Variants in CBL observed in about 807,000 individuals in gnomAD.
CBL encodes the protein E3 ubiquitin-protein ligase CBL.
CBL carries 45 observed loss-of-function variants against 96.9 expected under a neutral mutation model. The ratio of observed to expected loss-of-function variants is 0.46; its 90% CI spans 0.37 to 0.60. The LOEUF is 0.60. Among genes scored for constraint, CBL ranks in the 20% least tolerant of loss-of-function variants. The pLI is 0.00. For missense variants in CBL, 1,024 were observed against 1,143.5 expected, an observed-to-expected ratio of 0.90 and a Z score of 1.51; for synonymous variants, 420 against 426.8, an observed-to-expected ratio of 0.98 and a Z score of 0.20.
intron 2 of CBL, among the ~76,000 whole-genome samples, 159 bp downstream of exon 2, chr11:119,232,854 GAC>G (rs1949514867): frequency 6.6e-6 from 1 of 152,216 alleles, no homozygotes. Context: ...TGCCATGGAT[GAC>G]GTTGTACTAT....
chr11:119,271,919 T>C, intron 3 of CBL, 38 bp downstream of exon 3: 2 of 1,599,412 alleles, frequency 1.3e-6, no homozygotes, highest in Admixed American at 1.7e-5. Flanking sequence ...TATGAAAAAC[T>C]AAAGCTTACG....
At chr11:119,215,453 C>T (rs1051020980) in intron 1 of CBL, among the ~76,000 whole-genome samples, 2 of 141,916 alleles carry the variant, frequency 1.4e-5, no homozygotes, top group Non-Finnish European at 3.0e-5. Flanking sequence ...TTTGAGGTTG[C>T]GTCTTGCTGT....
At chr11:119,242,900 G>GC (rs1949598398) in intron 2 of CBL, among the ~76,000 whole-genome samples, 1 of 152,022 alleles carries the variant, frequency 6.6e-6, no homozygotes, top group African/African-American at 2.4e-5. Flanking sequence ...AAAAGAGGGT[G>GC]CAGGGACATG....
At chr11:119,246,959 TAATTA>T (rs1372931772) in intron 2 of CBL, among the ~76,000 whole-genome samples, 1 of 151,654 alleles carries the variant, frequency 6.6e-6, no homozygotes, top group Non-Finnish European at 1.5e-5. Context: ...TTAAATTCAT[TAATTA>T]AATCTCATTA....
Position 119,303,101 on chromosome 11 carries a change from C to A in CBL, c.*3320C>A, listed in dbSNP as rs1224533062. On this transcript the variant is annotated 3_prime_UTR_variant, in exon 16 of 16. Transcript: ENST00000264033. ...AAATGTGTTTATGGTCCCAAACAGTCAACTCACAAATTTTTATAACAAAAT... is the reference window on the plus strand; with the variant it reads ...AAATGTGTTTATGGTCCCAAACAGTAAACTCACAAATTTTTATAACAAAAT... The A allele has an allele frequency of 4.3e-6, 1 of 231,722 alleles. No individual in the cohort carries two copies. Among genetic ancestry groups the A allele is most frequent in the African/African-American group, 2.2e-5 (1 of 45,276 alleles). 14.4% of individuals were successfully genotyped at this position (231,722 alleles called of 1,614,324 possible). A position where few individuals can be genotyped will look rare whatever the true frequency, so the allele number is the denominator to read the frequency against.
In CBL at chr11:119,296,738, T is replaced by G. The variant is rs76923202; in HGVS notation, c.2037-180T>G. On this transcript the variant is annotated intron_variant, in intron 12 of 15. Coordinates refer to ENST00000264033, the MANE Select transcript of CBL (RefSeq NM_005188.4). ...ACCTTTGGTCAGTTGAAAGTGACAT[T>G]TTTAGTTAGTGTACTTTTGCTAATT... Among the ~76,000 whole-genome samples the G allele has an allele frequency of 2.7e-3, 413 of 152,298 alleles. 20 individuals are homozygous for G. In the East Asian group the frequency reaches 0.079, roughly 29 times the overall value.
At chr11:119,216,636 C>T (rs1411686387) in intron 1 of CBL, among the ~76,000 whole-genome samples, 2 of 152,124 alleles carry the variant, frequency 1.3e-5, no homozygotes, top group Non-Finnish European at 2.9e-5. Flanking sequence ...TCCCAAAGTG[C>T]TGGGATTACA....
chr11:119,247,865 A>G (rs970532070), intron 2 of CBL, among the ~76,000 whole-genome samples: 1 of 152,208 alleles, frequency 6.6e-6, no homozygotes, highest in African/African-American at 2.4e-5. Context: ...AAATAAAATT[A>G]AGAAAATTCC....
rs765486534 is a variant in CBL, at chr11:119,273,981, A to G, written c.704A>G (p.Tyr235Cys). 2.5e-6 allele frequency: 4 copies of G among 1,613,588 alleles called. No homozygotes were observed. The highest frequency in any genetic ancestry group is 1.1e-5 in the South Asian group (1 of 91,080). ...KSTIDLTCNDYISVFEFDIFT... is the reference protein window; with the variant it reads ...KSTIDLTCNDCISVFEFDIFT... ...ACTATTGATCTGACCTGCAATGATT[A>G]TATTTCGGTTTTTGAATTTGACATC... Residue 235 changes from tyrosine (Y) to cysteine (C), a missense_variant, in exon 4 of 16, where the codon TAT becomes TGT. This residue lies in a region of CBL where 192 missense variants were observed against 321.8 expected (regional missense o/e 0.60). Transcript: ENST00000264033.
At chr11:119,212,575 G>A (rs370590280) in intron 1 of CBL, among the ~76,000 whole-genome samples, 14 of 151,998 alleles carry the variant, frequency 9.2e-5, no homozygotes, top group East Asian at 3.9e-4. Flanking sequence ...GCGGTGAGCC[G>A]AGATCGCACC....
At chr11:119,243,557 C>T (rs1393558505) in intron 2 of CBL, among the ~76,000 whole-genome samples, 2 of 138,720 alleles carry the variant, frequency 1.4e-5, no homozygotes, top group African/African-American at 5.5e-5. Context: ...AACGATATGA[C>T]AATATGTTAA....
At position 119,299,831 on chromosome 11, in the gene CBL, T is replaced by C. The variant is rs1351578372; in HGVS notation, c.*50T>C. 2 of 1,587,208 alleles carry C rather than the reference T, an allele frequency of 1.3e-6. No individual in the cohort carries two copies. Among genetic ancestry groups the C allele is most frequent in the South Asian group, 1.1e-5 (1 of 90,518 alleles). ...TAGAGGACCAGTGAGTTGGGAGTTA[T>C]TACTCAAGTGGCACCTAGAAGGGCA... On this transcript the variant is annotated 3_prime_UTR_variant, in exon 16 of 16. Transcript: ENST00000264033.
chr11:119,299,931 A>ACCACTTTG lies in CBL; in HGVS notation c.*150_*151insCCACTTTG. The ACCACTTTG allele has an allele frequency of 1.3e-6, 1 of 791,922 alleles. No homozygotes were observed. Among genetic ancestry groups the ACCACTTTG allele is most frequent in the Non-Finnish European group, 2.2e-6 (1 of 459,204 alleles). 49.1% of individuals were successfully genotyped at this position (791,922 alleles called of 1,614,324 possible). ...ATCACATCAGTGGTTCCAAGATTTC[A>ACCACTTTG]AAGTGGTGAAATGAAAATGGAGCAG... On this transcript the variant is annotated 3_prime_UTR_variant, in exon 16 of 16. Coordinates refer to ENST00000264033, the MANE Select transcript of CBL (RefSeq NM_005188.4).
rs191912619 is a variant in CBL at position 119,257,423 on chromosome 11, A to G, written c.444-14312A>G. On this transcript the variant is annotated intron_variant, in intron 2 of 15. Transcript: ENST00000264033. ...GTATATCTTCTTTAGAGAAATGCCT[A>G]TTTATGTTGTTTGCCCACTTTTTGA... 1.6e-4 allele frequency among the ~76,000 whole-genome samples: 25 copies of G among 152,116 alleles called. No homozygotes were observed. In the East Asian group the frequency reaches 2.9e-3, roughly 18 times the overall value.
rs1409436801 is a variant in CBL at position 119,247,332 on chromosome 11, A to G, written c.443+14637A>G. On this transcript the variant is annotated intron_variant, in intron 2 of 15. Transcript: ENST00000264033. Reference sequence around the variant, plus strand: ...GGTACTAGACGTTCCAGCCAGAGCAATTAGGCAAGGAAAAGAAAAGAAGCC... The same window carrying G: ...GGTACTAGACGTTCCAGCCAGAGCAGTTAGGCAAGGAAAAGAAAAGAAGCC... Among the ~76,000 whole-genome samples the G allele has an allele frequency of 5.3e-5, 8 of 152,338 alleles. No individual in the cohort carries two copies. In the South Asian group the frequency reaches 1.2e-3, roughly 24 times the overall value.
At chr11:119,223,947 C>T (rs893090638) in intron 1 of CBL, among the ~76,000 whole-genome samples, 3 of 151,972 alleles carry the variant, frequency 2.0e-5, no homozygotes, top group Non-Finnish European at 4.4e-5. Context: ...GACTCTATCT[C>T]TTAAAAGATG....
chr11:119,284,212 T>A (rs150747011), intron 9 of CBL, among the ~76,000 whole-genome samples: 1 of 152,208 alleles, frequency 6.6e-6, no homozygotes, highest in Non-Finnish European at 1.5e-5. Flanking sequence ...CCGTCATCGA[T>A]CTCTTTCTTT....
chr11:119,280,307 ATGG>A (rs1405253280), intron 9 of CBL, among the ~76,000 whole-genome samples: 1 of 152,190 alleles, frequency 6.6e-6, no homozygotes, highest in Non-Finnish European at 1.5e-5. Context: ...CACAGTGATA[ATGG>A]TATTTTGTTT....
intron 12 of CBL, among the ~76,000 whole-genome samples, chr11:119,293,217 G>A (rs1347407981): frequency 6.6e-6 from 1 of 151,738 alleles, no homozygotes; most frequent in Non-Finnish European, 1.5e-5. Flanking sequence ...CGATTCTCCT[G>A]CCTCAGCCTC....
Sources: allele counts gnomAD v4.1 joint callset (sites outside exome capture counted in the v4.1 genomes callset), GRCh38; gene constraint gnomAD v4.1.1; regional missense constraint gnomAD v4.1.1; transcripts MANE v1.5; gene names NCBI Gene and HGNC (gene_info 2026-07-23, HGNC 2026-07-21).